Variants in AIRE observed in about 807,000 individuals in gnomAD.
The protein encoded by AIRE is autoimmune polyendocrinopathy candidiasis ectodermal dystrophy protein.
In AIRE, 52 loss-of-function variants were observed where a neutral mutation model predicts 62.1. The observed-to-expected ratio is 0.84, with a 90% confidence interval of 0.67 to 1.06. The LOEUF (loss-of-function observed/expected upper bound fraction) is 1.06, where lower values mean the gene tolerates loss of function less well. Among genes scored for constraint, AIRE ranks in the 50% least tolerant of loss-of-function variants. AIRE has a pLI of 0.00. For missense variants in AIRE, 774 were observed against 755.8 expected (o/e 1.02, Z -0.28); for synonymous variants, 342 against 321.6 (o/e 1.06, Z -0.68).
Position 44,286,527 on chromosome 21 carries a change from G to A in AIRE, c.133-30G>A, listed in dbSNP as rs760828231. The stretch of plus-strand genomic sequence containing the variant: ...CAGGCCGCAGGGTGTGGGGGACCAT[G>A]GCAGGGACCCTCATGCCACCCCACT... On this transcript the variant is annotated intron_variant, in intron 1 of 13. Coordinates refer to ENST00000291582, the MANE Select transcript of AIRE (RefSeq NM_000383.4). This position sits in a 1 kb window ranked among gnomAD's most constrained non-coding sequence, Gnocchi z 6.0. 5 of 1,598,272 alleles carry A rather than the reference G, an allele frequency of 3.1e-6. No homozygotes were observed. The Admixed American group carries it at 8.4e-5, about 27-fold the overall frequency.
Position 44,286,702 on chromosome 21 carries a change from T to A in AIRE, c.278T>A (p.Leu93Gln). ...KDYNLERYGR[L>Q]QPILDSFPKD... ...TACAACCTGGAGCGCTATGGCCGGC[T>A]GCAGCCCATCCTGGACAGCTTCCCC... The change falls in exon 2 of 14, where the codon CTG (leucine) becomes CAG (glutamine). Residue 93 changes from leucine (L) to glutamine (Q), a missense_variant. Around this residue, in one of 3 missense-constraint regions of AIRE, gnomAD observed 385 missense variants for 396.0 expected, o/e 0.97. Transcript: ENST00000291582. This position sits in a 1 kb window ranked among gnomAD's most constrained non-coding sequence, Gnocchi z 6.0. 1 of 1,613,020 alleles carries A rather than the reference T, an allele frequency of 6.2e-7. No homozygotes were observed. Among genetic ancestry groups the A allele is most frequent in the Middle Eastern group, 1.7e-4 (1 of 6,060 alleles).
intron 6 of AIRE, 85 bp downstream of exon 6, chr21:44,289,887 C>G: frequency 6.2e-7 from 1 of 1,603,960 alleles, no homozygotes; most frequent in Non-Finnish European, 8.5e-7. Context: ...AGTGGCTCTG[C>G]TGGGGGCTGG....
At chr21:44,288,120 C>A (rs2146377495) in intron 4 of AIRE, among the ~76,000 whole-genome samples, 1 of 152,266 alleles carries the variant, frequency 6.6e-6, no homozygotes, top group South Asian at 2.1e-4. Context: ...ACACTGCCAC[C>A]CCCCAGCACA....
chr21:44,292,281 G>C, intron 8 of AIRE, 21 bp from the exon 9 acceptor site: 1 of 1,553,130 alleles, frequency 6.4e-7, no homozygotes, highest in Non-Finnish European at 8.7e-7. Flanking sequence ...GCATGTCTCT[G>C]ACTGGTGGAC....
In AIRE at chr21:44,294,561, G is replaced by A. The variant is rs536874722; in HGVS notation, c.1503+58G>A. The A allele has an allele frequency of 1.3e-4, 139 of 1,036,022 alleles. No homozygotes were observed. The African/African-American group carries it at 1.8e-3, about 14-fold the overall frequency. The allele number at this position is 1,036,022 out of a possible 1,614,324, so 64.2% of individuals were successfully genotyped here. On this transcript the variant is annotated intron_variant, in intron 12 of 13. Coordinates refer to ENST00000291582, the MANE Select transcript of AIRE (RefSeq NM_000383.4). ...GTGCTGGGGGTGGGGAACCCCTTGG[G>A]TTGGTGTTGGGGGAGCACATCTCAG...
rs1184859438 is a variant in AIRE at position 44,297,628 on chromosome 21, A to G, written c.1567-28A>G. ...GTGGCTGCGGCGGGGGCGCACCTGG[A>G]GGTTCTCACCGTCACTCTGTCCCGC... On this transcript the variant is annotated intron_variant, in intron 13 of 13. Coordinates refer to ENST00000291582, the MANE Select transcript of AIRE (RefSeq NM_000383.4). This position sits in a 1 kb window ranked among gnomAD's most constrained non-coding sequence, Gnocchi z 4.8. 1 of 1,589,026 alleles carries G rather than the reference A, an allele frequency of 6.3e-7. No individual in the cohort carries two copies.
At position 44,293,085 on chromosome 21, in the gene AIRE, C is replaced by T. The variant is rs1056182755; in HGVS notation, c.1188C>T (p.His396=). ...TGGACACGACTCTTGTCTACAAGCA[C>T]CTGCCGGCTCCGCCTTCTGCAGCCC... The part of the protein sequence containing the change: ...AGMDTTLVYK[H]LPAPPSAAPL... Residue 396 remains histidine, a synonymous_variant, in exon 10 of 14, where the codon CAC becomes CAT. Coordinates refer to ENST00000291582, the MANE Select transcript of AIRE (RefSeq NM_000383.4). 6.2e-7 allele frequency: 1 copy of T among 1,611,326 alleles called. No homozygotes were observed. The highest frequency in any genetic ancestry group is 2.2e-5 in the East Asian group (1 of 44,842).
intron 12 of AIRE, among the ~76,000 whole-genome samples, chr21:44,295,098 G>C (rs372979932): frequency 7.5e-6 from 1 of 133,238 alleles, no homozygotes; most frequent in Non-Finnish European, 1.5e-5. Flanking sequence ...AGGAGCCTCC[G>C]GGGGGGTGGC....
intron 12 of AIRE, among the ~76,000 whole-genome samples, chr21:44,294,988 C>T (rs749053452): frequency 3.9e-5 from 6 of 152,186 alleles, no homozygotes; most frequent in Admixed American, 3.3e-4. Context: ...CCTCCTGCTC[C>T]GGGGTCAGAG....
Position 44,290,527 on chromosome 21 carries a change from C to G in AIRE, c.879+459C>G, listed in dbSNP as rs941405. The G allele has an allele frequency of 0.37, 320,645 of 868,564 alleles. 59,378 individuals carry two copies. The highest frequency in any genetic ancestry group is 0.63 in the East Asian group (5,186 of 8,228). 53.8% of individuals were successfully genotyped at this position (868,564 alleles called of 1,614,324 possible). ...GGCTCTGTGGGGCCCTGGCACTTAG[C>G]AGTGACAGGAGCCAGTCCTGCCCTG... On this transcript the variant is annotated intron_variant, in intron 7 of 13. Transcript: ENST00000291582.
chr21:44,287,646 C>A lies in AIRE; in HGVS notation c.538+55C>A. ...TTCTCCCTGGCCAGGGGCAAGGGGT[C>A]AGGGGTCAGAGCAGGGCCTGCCCTC... On this transcript the variant is annotated intron_variant, in intron 4 of 13. Transcript: ENST00000291582. The surrounding 1 kb of genome is among the most constrained non-coding windows in gnomAD (Gnocchi z 4.3). 1 of 1,498,102 alleles carries A rather than the reference C, an allele frequency of 6.7e-7. No homozygotes were observed. The highest frequency in any genetic ancestry group is 1.2e-5 in the South Asian group (1 of 82,866). 92.8% of individuals were successfully genotyped at this position (1,498,102 alleles called of 1,614,324 possible).
At chr21:44,292,864 CGCCCCCACCATGCCAGGCCTCT>C in intron 9 of AIRE, 107 bp from the exon 10 acceptor site, 4 of 766,672 alleles carry the variant, frequency 5.2e-6, no homozygotes, top group East Asian at 2.6e-5. Context: ...GCCAGCCCTC[CGCCCCCACCATGCCAGGCCTCT>C]GCCCCCACCC....
Position 44,294,477 on chromosome 21 carries a change from G to A in AIRE, c.1477G>A (p.Ala493Thr), listed in dbSNP as rs561652010. 210 of 1,533,620 alleles carry A rather than the reference G, an allele frequency of 1.4e-4. No homozygotes were observed. The highest frequency in any genetic ancestry group is 2.6e-4 in the Admixed American group (13 of 50,698). ...PVEGVLAPSP[A>T]RLAPGPAKDD... ...GGAGGGGGTGCTGGCCCCCAGCCCC[G>A]CCCGCCTGGCCCCTGGGCCTGCCAA... Residue 493 changes from alanine (A) to threonine (T), a missense_variant, in exon 12 of 14, where the codon GCC (alanine) becomes ACC (threonine). Coordinates refer to ENST00000291582, the MANE Select transcript of AIRE (RefSeq NM_000383.4).
rs1391028576 is a variant in AIRE, at chr21:44,297,123, CA to C, written c.1567-532del. On this transcript the variant is annotated intron_variant, in intron 13 of 13. Coordinates refer to ENST00000291582, the MANE Select transcript of AIRE (RefSeq NM_000383.4). The surrounding 1 kb of genome is among the most constrained non-coding windows in gnomAD (Gnocchi z 4.8). Reference sequence around the variant, plus strand: ...AGAGCCCCAGGGCCTGAGAGTGGGCCAGGGGGCCCAGCGCTGGGTAATGGAG... The same window carrying C: ...AGAGCCCCAGGGCCTGAGAGTGGGCCGGGGGCCCAGCGCTGGGTAATGGAG... Among the ~76,000 whole-genome samples, 1 of 152,318 alleles carries C rather than the reference CA, an allele frequency of 6.6e-6. No homozygotes were observed.
In AIRE at chr21:44,297,851, G is replaced by C. The variant is rs1024619902; in HGVS notation, c.*124G>C. ...ACAGCGCCACCTCTTGTCAGTGCTC[G>C]GCTGTAAACAGCTCTGTGTTTCTGG... On this transcript the variant is annotated 3_prime_UTR_variant, in exon 14 of 14. Coordinates refer to ENST00000291582, the MANE Select transcript of AIRE (RefSeq NM_000383.4). This position sits in a 1 kb window ranked among gnomAD's most constrained non-coding sequence, Gnocchi z 4.8. The C allele has an allele frequency of 2.3e-6, 2 of 884,792 alleles. No homozygotes were observed. Among genetic ancestry groups the C allele is most frequent in the Non-Finnish European group, 3.6e-6 (2 of 553,508 alleles). 54.8% of individuals were successfully genotyped at this position (884,792 alleles called of 1,614,324 possible). A position where few individuals can be genotyped will look rare whatever the true frequency, so the allele number is the denominator to read the frequency against.
At chr21:44,296,573 G>A in intron 13 of AIRE, 128 bp downstream of exon 13, 1 of 914,002 alleles carries the variant, frequency 1.1e-6, no homozygotes, top group Non-Finnish European at 1.8e-6. Flanking sequence ...AACTCAGGCT[G>A]TCCCTGCTCC....
At chr21:44,296,331 C>T (rs553881450) in intron 12 of AIRE, 52 bp from the exon 13 acceptor site, 65 of 1,540,976 alleles carry the variant, frequency 4.2e-5, no homozygotes, top group Non-Finnish European at 5.7e-5. Context: ...CCTCTGTACC[C>T]CCACCAGGGC....
At chr21:44,290,118 G>C (rs747570743) in intron 7 of AIRE, 50 bp downstream of exon 7, 4 of 1,581,972 alleles carry the variant, frequency 2.5e-6, no homozygotes, top group Non-Finnish European at 3.4e-6. Flanking sequence ...TGCTCCCCTC[G>C]GGTGGGTCCT....
chr21:44,287,254 C>A lies in AIRE; in HGVS notation c.463+121C>A. The A allele has an allele frequency of 8.1e-7, 1 of 1,227,734 alleles. No homozygotes were observed. The highest frequency in any genetic ancestry group is 1.1e-6 in the Non-Finnish European group (1 of 872,212). The allele number at this position is 1,227,734 out of a possible 1,614,324, so 76.1% of individuals were successfully genotyped here. A position where few individuals can be genotyped will look rare whatever the true frequency, so the allele number is the denominator to read the frequency against. On this transcript the variant is annotated intron_variant, in intron 3 of 13. Transcript: ENST00000291582. The surrounding 1 kb of genome is among the most constrained non-coding windows in gnomAD (Gnocchi z 4.3). ...GGGTGTGGGGCCAGCCTGCCTGGGG[C>A]TGTGGGGGTCTCCTCTGGGTACTAG...
Sources: allele counts gnomAD v4.1 joint callset (sites outside exome capture counted in the v4.1 genomes callset), GRCh38; gene constraint gnomAD v4.1.1; regional missense constraint gnomAD v4.1.1; non-coding constraint Gnocchi (gnomAD v3.1); transcripts MANE v1.5; gene names NCBI Gene and HGNC (gene_info 2026-07-23, HGNC 2026-07-21).